The following RFX1 variants were observed in gnomAD, a reference collection of about 807,000 sequenced individuals.
RFX1 encodes the protein regulatory factor X1.
RFX1 carries 42 observed loss-of-function variants against 119.6 expected under a neutral mutation model. The observed-to-expected ratio is 0.35, with a 90% CI of 0.27 to 0.45. The LOEUF (loss-of-function observed/expected upper bound fraction) is 0.45. Ranked by LOEUF, RFX1 falls within the 20% of genes least tolerant of loss-of-function variation. RFX1 has a pLI of 1.00. For synonymous variants in RFX1, 628 were observed against 618.5 expected, an observed-to-expected ratio of 1.02 and a Z score of -0.23; for missense variants, 1,118 against 1,368.1, an observed-to-expected ratio of 0.82 and a Z score of 2.88.
At chr19:13,987,281 G>A (rs543565998) in intron 2 of RFX1, among the ~76,000 whole-genome samples, 1 of 152,234 alleles carries the variant, frequency 6.6e-6, no homozygotes, top group East Asian at 1.9e-4. Flanking sequence ...TATGGATCTA[G>A]TATTGTTCCT....
At chr19:13,994,242 T>C (rs1020049594) in intron 1 of RFX1, among the ~76,000 whole-genome samples, 1 of 152,132 alleles carries the variant, frequency 6.6e-6, no homozygotes, top group Non-Finnish European at 1.5e-5. Context: ...GTGTGGTTGC[T>C]CTGTGCCCTC....
At position 13,993,737 on chromosome 19, in the gene RFX1, G is replaced by A. The variant is rs763661107; in HGVS notation, c.107C>T (p.Ala36Val). The change falls in exon 2 of 21, where the codon GCG (alanine) becomes GTG (valine). Residue 36 changes from alanine (A) to valine (V), a missense_variant. Around this residue, in one of 5 missense-constraint regions of RFX1, gnomAD observed 542 missense variants for 602.7 expected, o/e 0.90. Coordinates refer to ENST00000254325, the MANE Select transcript of RFX1 (RefSeq NM_002918.5). The part of the protein sequence containing the change: ...QPQPPPPPPP[A>V]APQPPQPPTA... ...GGGTGGCTGCGGGGGCTGGGGTGCC[G>A]CTGGGGGTGGTGGCGGTGGCGGCTG... The A allele has an allele frequency of 3.1e-5, 49 of 1,589,288 alleles. No homozygotes were observed. In the East Asian group the frequency reaches 3.4e-4, roughly 11 times the overall value.
chr19:13,977,414 G>A (rs779742615), intron 8 of RFX1, among the ~76,000 whole-genome samples: 5 of 151,936 alleles, frequency 3.3e-5, no homozygotes, highest in Non-Finnish European at 7.4e-5. Flanking sequence ...AGGGTTGAGA[G>A]TCAAATGATT....
intron 2 of RFX1, among the ~76,000 whole-genome samples, chr19:13,992,288 C>A (rs969338819): frequency 6.6e-6 from 1 of 152,128 alleles, no homozygotes; most frequent in East Asian, 1.9e-4. Flanking sequence ...CAAAAAAACA[C>A]ACGAATCTAG....
In RFX1 at chr19:13,983,602, G is replaced by C. The variant is rs1176479678; in HGVS notation, c.320-7C>G. On this transcript the variant is annotated splice_polypyrimidine_tract_variant and splice_region_variant and intron_variant, in intron 2 of 20. Transcript: ENST00000254325. ...CTGGCCCGCATGGCACCTTCTGTGGGGAGGGGCCACCAGGTCAGTTCTTCC... is the reference window on the plus strand; with the variant it reads ...CTGGCCCGCATGGCACCTTCTGTGGCGAGGGGCCACCAGGTCAGTTCTTCC... 6.3e-7 allele frequency: 1 copy of C among 1,590,484 alleles called. No homozygotes were observed. The highest frequency in any genetic ancestry group is 2.3e-5 in the East Asian group (1 of 44,262).
chr19:13,989,036 A>G (rs935940048), intron 2 of RFX1, among the ~76,000 whole-genome samples: 1 of 152,118 alleles, frequency 6.6e-6, no homozygotes, highest in African/African-American at 2.4e-5. Context: ...CAAACAAACA[A>G]GAAGACAGAG....
At chr19:13,997,837 C>T (rs1462928433) in intron 1 of RFX1, among the ~76,000 whole-genome samples, 1 of 152,134 alleles carries the variant, frequency 6.6e-6, no homozygotes, top group Non-Finnish European at 1.5e-5. Context: ...TGCTCCGAGG[C>T]CCAGGGACTC....
At chr19:13,970,478 T>C (rs535173186) in intron 9 of RFX1, among the ~76,000 whole-genome samples, 4 of 151,386 alleles carry the variant, frequency 2.6e-5, no homozygotes, top group South Asian at 2.1e-4. Flanking sequence ...CTGGGCAACA[T>C]AGGGAGACCC....
intron 2 of RFX1, among the ~76,000 whole-genome samples, chr19:13,989,022 AAAAC>A (rs149113405): frequency 6.6e-6 from 1 of 152,162 alleles, no homozygotes; most frequent in African/African-American, 2.4e-5. Context: ...CTTTGTCTCA[AAAAC>A]AAACAAACAA....
Position 13,963,922 on chromosome 19 carries a change from T to A in RFX1, c.2297A>T (p.Gln766Leu). The A allele has an allele frequency of 6.5e-7, 1 of 1,548,896 alleles. No individual in the cohort carries two copies. ...HLAQAARAVL[Q>L]NTAQINQMLS... ...CATCTGGTTGATCTGTGCGGTGTTC[T>A]GCAGCACAGCGCGCGCCGCCTGCGC... Residue 766 changes from glutamine to leucine, a missense_variant, in exon 17 of 21, where the codon CAG (glutamine) becomes CTG (leucine). Around this residue, in one of 5 missense-constraint regions of RFX1, gnomAD observed 338 missense variants for 508.9 expected, o/e 0.66. Transcript: ENST00000254325.
At chr19:14,004,501 C>T (rs980513270) in intron 1 of RFX1, among the ~76,000 whole-genome samples, 1 of 151,332 alleles carries the variant, frequency 6.6e-6, no homozygotes. Flanking sequence ...AGTGAGACTC[C>T]GTCTCCAAAA....
Position 13,970,047 on chromosome 19 carries a change from G to C in RFX1, c.1443C>G (p.Gly481=). ...CCATGAAGACGGAGCGGATGAGCTTGCCGAAGGAGGCGGCGTTGACGGGCT... is the reference window on the plus strand; with the variant it reads ...CCATGAAGACGGAGCGGATGAGCTTCCCGAAGGAGGCGGCGTTGACGGGCT... ...KLEPVNAASF[G]KLIRSVFMGL... The change falls in exon 10 of 21, where the codon GGC becomes GGG. Residue 481 remains glycine, a synonymous_variant. Coordinates refer to ENST00000254325, the MANE Select transcript of RFX1 (RefSeq NM_002918.5). The C allele has an allele frequency of 6.2e-7, 1 of 1,614,088 alleles. No homozygotes were observed. The highest frequency in any genetic ancestry group is 8.5e-7 in the Non-Finnish European group (1 of 1,179,998).
chr19:14,002,492 AAAAGAAAG>A (rs1167701948), intron 1 of RFX1, among the ~76,000 whole-genome samples: 1 of 152,034 alleles, frequency 6.6e-6, no homozygotes, highest in East Asian at 1.9e-4. Context: ...CTCAACAAAA[AAAAGAAAG>A]AAAGAAAGAA....
chr19:14,003,041 G>A (rs1975266540), intron 1 of RFX1, among the ~76,000 whole-genome samples: 2 of 152,214 alleles, frequency 1.3e-5, no homozygotes, highest in Admixed American at 6.5e-5. Flanking sequence ...CAAGTGCAGT[G>A]GCACGATCTT....
chr19:14,003,970 G>A (rs935153582), intron 1 of RFX1, among the ~76,000 whole-genome samples: 2 of 151,874 alleles, frequency 1.3e-5, no homozygotes, highest in African/African-American at 4.8e-5. Context: ...GCAGTGGCCT[G>A]TGATCTCAGC....
At chr19:14,004,258 C>T (rs1280308484) in intron 1 of RFX1, among the ~76,000 whole-genome samples, 2 of 152,024 alleles carry the variant, frequency 1.3e-5, no homozygotes, top group African/African-American at 4.8e-5. Flanking sequence ...GCCTGTAATC[C>T]CAGCATTTTG....
chr19:14,004,336 C>G (rs945361082), intron 1 of RFX1, among the ~76,000 whole-genome samples: 3 of 152,154 alleles, frequency 2.0e-5, no homozygotes, highest in Non-Finnish European at 2.9e-5. Context: ...GGTGAAACCC[C>G]GTCTCTACTA....
At chr19:13,988,013 G>A (rs73924102) in intron 2 of RFX1, among the ~76,000 whole-genome samples, 132 of 149,634 alleles carry the variant, frequency 8.8e-4, no homozygotes, top group African/African-American at 3.1e-3. Context: ...ACTTGCTCTT[G>A]ACTTCTTGCT....
At position 13,963,847 on chromosome 19, in the gene RFX1, C is replaced by T. The variant is rs1213509933; in HGVS notation, c.2361+11G>A. On this transcript the variant is annotated intron_variant, in intron 17 of 20. Coordinates refer to ENST00000254325, the MANE Select transcript of RFX1 (RefSeq NM_002918.5). ...CCCTCATTCGCCCGCCCCGCCCCGCCCCGCGCTCACCTGCACGTTGGCGAA... is the reference window on the plus strand; with the variant it reads ...CCCTCATTCGCCCGCCCCGCCCCGCTCCGCGCTCACCTGCACGTTGGCGAA... 4 of 1,535,844 alleles carry T rather than the reference C, an allele frequency of 2.6e-6. No individual in the cohort carries two copies. Among genetic ancestry groups the T allele is most frequent in the Non-Finnish European group, 3.5e-6 (4 of 1,142,532 alleles).
Sources: gnomAD v4.1 joint callset for allele counts (sites outside exome capture counted in the v4.1 genomes callset) on GRCh38, gnomAD v4.1.1 for gene constraint, gnomAD v4.1.1 regional missense constraint, MANE v1.5 for transcripts, NCBI Gene and HGNC (gene_info 2026-07-23, HGNC 2026-07-21) for gene names.